DGLUCY: variants seen among roughly 807,000 people sequenced by gnomAD.
DGLUCY encodes D-glutamate cyclase.
In DGLUCY, 58 loss-of-function variants were observed where a neutral mutation model predicts 58.5. That is an observed-to-expected ratio of 0.99 (90% confidence interval 0.80 to 1.23). The LOEUF (loss-of-function observed/expected upper bound fraction) is 1.23, where lower values mean the gene tolerates loss of function less well. Among genes scored for constraint, DGLUCY ranks in the 50% most tolerant of loss-of-function variants. The pLI, the probability that DGLUCY is intolerant of heterozygous loss-of-function variation, is 0.00. For synonymous variants in DGLUCY, 325 were observed against 314.1 expected (o/e 1.03, Z -0.37); for missense variants, 779 against 784.7 (o/e 0.99, Z 0.09).
At chr14:91,062,600 T>TATATAC (rs2043746672) in intron 1 of DGLUCY, among the ~76,000 whole-genome samples, 1 of 33,658 alleles carries the variant, frequency 3.0e-5, no homozygotes, top group Non-Finnish European at 5.3e-5. Flanking sequence ...TATATATATA[T>TATATAC]ATATATATAT....
At chr14:91,089,654 C>G (rs1334106201) in intron 1 of DGLUCY, among the ~76,000 whole-genome samples, 2 of 151,928 alleles carry the variant, frequency 1.3e-5, no homozygotes, top group East Asian at 3.9e-4. Context: ...AATCCCATCT[C>G]TACTAAAAAT....
At chr14:91,196,251 C>G in intron 9 of DGLUCY, 124 bp from the exon 10 acceptor site, 2 of 715,198 alleles carry the variant, frequency 2.8e-6, no homozygotes, top group Non-Finnish European at 4.8e-6. Context: ...CTAACATGTT[C>G]TACAGATAGA....
At chr14:91,138,674 A>G (rs549724690) in intron 1 of DGLUCY, among the ~76,000 whole-genome samples, 5 of 152,146 alleles carry the variant, frequency 3.3e-5, no homozygotes, top group Non-Finnish European at 7.4e-5. Context: ...GAGGGGGGAA[A>G]TGTCACAATT....
chr14:91,113,159 G>A (rs1028880431), upstream of DGLUCY, among the ~76,000 whole-genome samples: 2 of 152,188 alleles, frequency 1.3e-5, no homozygotes, highest in African/African-American at 4.8e-5. Flanking sequence ...AATTAGCTGG[G>A]CGTGGTGGCG....
intron 12 of DGLUCY, 28 bp downstream of exon 12, chr14:91,204,853 G>T (rs746926058): frequency 6.2e-7 from 1 of 1,613,316 alleles, no homozygotes; most frequent in Non-Finnish European, 8.5e-7. Flanking sequence ...CGCCCAGTCC[G>T]GCCGGCTACC....
Position 91,167,247 on chromosome 14 carries a change from G to A in DGLUCY, c.126G>A (p.Val42=), listed in dbSNP as rs199766208. Residue 42 remains valine, a synonymous_variant, in exon 4 of 14, where the codon GTG becomes GTA. Transcript: ENST00000256324. ...MAGELRPASL[V]VLPRSLAPAF... The stretch of plus-strand genomic sequence containing the variant: ...CAGAGCTCCGACCAGCCAGCCTGGT[G>A]GTCCTGCCCAGGTCCCTTGCTCCAG... The A allele has an allele frequency of 2.4e-4, 384 of 1,598,362 alleles. No individual in the cohort carries two copies. Among genetic ancestry groups the A allele is most frequent in the Non-Finnish European group, 3.1e-4 (362 of 1,175,736 alleles).
At chr14:91,109,732 C>T (rs375394738), upstream of DGLUCY, among the ~76,000 whole-genome samples, 74 of 152,272 alleles carry the variant, frequency 4.9e-4, 2 homozygotes, top group South Asian at 0.011. Context: ...CAGGGCCTCA[C>T]GCTCATGAGC....
chr14:91,170,578 A>G (rs28681576), intron 5 of DGLUCY, among the ~76,000 whole-genome samples: 5,948 of 152,188 alleles, frequency 0.039, 387 homozygotes, highest in African/African-American at 0.14. Context: ...ATACCCAGGG[A>G]TTTGTGGCAG....
At chr14:91,172,408 A>G (rs1178606829) in intron 5 of DGLUCY, among the ~76,000 whole-genome samples, 2 of 152,124 alleles carry the variant, frequency 1.3e-5, no homozygotes, top group African/African-American at 2.4e-5. Flanking sequence ...CTCAACTCAC[A>G]TTTAGCATTT....
At chr14:91,065,734 T>C (rs758863936) in intron 1 of DGLUCY, among the ~76,000 whole-genome samples, 14 of 152,108 alleles carry the variant, frequency 9.2e-5, no homozygotes, top group Non-Finnish European at 1.9e-4. Flanking sequence ...TCAGAGGTAG[T>C]GATGACACTA....
intron 3 of DGLUCY, among the ~76,000 whole-genome samples, chr14:91,166,434 A>G (rs1054187616): frequency 6.6e-5 from 10 of 151,718 alleles, no homozygotes; most frequent in Non-Finnish European, 1.3e-4. Flanking sequence ...GGAGGCCAAG[A>G]CAGGCAGATC....
At chr14:91,172,374 C>T (rs1354929929) in intron 5 of DGLUCY, among the ~76,000 whole-genome samples, 1 of 152,168 alleles carries the variant, frequency 6.6e-6, no homozygotes, top group Non-Finnish European at 1.5e-5. Flanking sequence ...CCACTGTGCC[C>T]AGCCTCAATT....
chr14:91,225,007 T>C lies in DGLUCY; in HGVS notation c.*174T>C. ...ACTTTCTGGGAGGGGTTAGTGCAGG[T>C]GCTGTGGACAAAGGACAACATTTCT... On this transcript the variant is annotated 3_prime_UTR_variant, in exon 14 of 14. Transcript: ENST00000256324. 1.5e-6 allele frequency: 1 copy of C among 672,266 alleles called. No homozygotes were observed. 41.6% of individuals were successfully genotyped at this position (672,266 alleles called of 1,614,324 possible).
Position 91,170,021 on chromosome 14 carries a change from C to T in DGLUCY, c.276C>T (p.Phe92=), listed in dbSNP as rs778567699. Residue 92 remains phenylalanine (F), a synonymous_variant, in exon 5 of 14, where the codon TTC becomes TTT. Transcript: ENST00000256324. ...ISETRMGHPQ[F]WKYEFGACTG... ...TCCCCAGGATGGGCCATCCCCAGTTCTGGAAATACGAGTTCGGTGCCTGCA... is the reference window on the plus strand; with the variant it reads ...TCCCCAGGATGGGCCATCCCCAGTTTTGGAAATACGAGTTCGGTGCCTGCA... 2.5e-6 allele frequency: 4 copies of T among 1,612,246 alleles called. No homozygotes were observed. The East Asian group carries it at 8.9e-5, about 36-fold the overall frequency.
chr14:91,060,784 T>G (rs1200525216), intron 1 of DGLUCY: 2 of 192,130 alleles, frequency 1.0e-5, no homozygotes, highest in East Asian at 1.1e-4. Context: ...CATTGGGCAG[T>G]ACGCTGTGAC....
At chr14:91,189,628 C>T (rs924377986) in intron 9 of DGLUCY, among the ~76,000 whole-genome samples, 1 of 152,102 alleles carries the variant, frequency 6.6e-6, no homozygotes, top group Admixed American at 6.6e-5. Context: ...GTTGGAGACG[C>T]GAGGCTGTAA....
intron 1 of DGLUCY, among the ~76,000 whole-genome samples, chr14:91,074,269 T>C (rs1047895571): frequency 7.4e-6 from 1 of 135,838 alleles, no homozygotes; most frequent in Non-Finnish European, 1.5e-5. Flanking sequence ...CACTCCAGCC[T>C]GGGCAACTGA....
chr14:91,101,249 C>T (rs1303158529), intron 1 of DGLUCY, among the ~76,000 whole-genome samples: 1 of 152,158 alleles, frequency 6.6e-6, no homozygotes, highest in Non-Finnish European at 1.5e-5. Context: ...ATTCATCTTG[C>T]TTAACTGAAA....
At chr14:91,195,753 C>A (rs1210402174) in intron 9 of DGLUCY, among the ~76,000 whole-genome samples, 1 of 149,622 alleles carries the variant, frequency 6.7e-6, no homozygotes, top group South Asian at 2.1e-4. Context: ...TCACTGCAAC[C>A]TCTGCCTCCC....
Sources: allele counts gnomAD v4.1 joint callset (sites outside exome capture counted in the v4.1 genomes callset), GRCh38; gene constraint gnomAD v4.1.1; transcripts MANE v1.5; gene names NCBI Gene and HGNC (gene_info 2026-07-23, HGNC 2026-07-21).